TNKS: variants seen among roughly 807,000 people sequenced by gnomAD.
TNKS encodes poly [ADP-ribose] polymerase tankyrase-1.
TNKS carries 72 observed loss-of-function variants against 135.8 expected under a neutral mutation model. That is an observed-to-expected ratio of 0.53 (90% CI 0.44 to 0.64). The LOEUF is 0.64. Among genes scored for constraint, TNKS ranks in the 30% least tolerant of loss-of-function variants. TNKS has a pLI of 0.00. For synonymous variants in TNKS, 849 were observed against 649.3 expected (o/e 1.31, Z -4.68); for missense variants, 1,769 against 1,674.0 (o/e 1.06, Z -0.99).
At chr8:9,596,627 A>G (rs60163152) in intron 2 of TNKS, among the ~76,000 whole-genome samples, 1 of 152,176 alleles carries the variant, frequency 6.6e-6, no homozygotes, top group Non-Finnish European at 1.5e-5. Flanking sequence ...AAGACTTACC[A>G]AGCATTCCCA....
At chr8:9,762,955 T>G (rs1056887364) in intron 21 of TNKS, among the ~76,000 whole-genome samples, 192 bp from the exon 22 acceptor site, 2 of 151,952 alleles carry the variant, frequency 1.3e-5, no homozygotes, top group Non-Finnish European at 1.5e-5. Flanking sequence ...CATCTTCATT[T>G]TTTTCTCCTG....
intron 2 of TNKS, among the ~76,000 whole-genome samples, chr8:9,597,949 G>A (rs1272104826): frequency 2.6e-5 from 4 of 152,088 alleles, no homozygotes; most frequent in Admixed American, 2.0e-4. Flanking sequence ...ACAAAACTCA[G>A]TTTATTTTTT....
intron 5 of TNKS, among the ~76,000 whole-genome samples, chr8:9,695,018 C>T (rs1803447514): frequency 6.6e-6 from 1 of 152,050 alleles, no homozygotes; most frequent in African/African-American, 2.4e-5. Context: ...TTCTTATGTA[C>T]CCAGCAGTCA....
chr8:9,575,973 C>A (rs1012841856), intron 1 of TNKS, among the ~76,000 whole-genome samples: 1 of 152,092 alleles, frequency 6.6e-6, no homozygotes, highest in Admixed American at 6.5e-5. Flanking sequence ...AATTTTCTAA[C>A]GGTTGGGAGG....
chr8:9,709,172 G>C (rs974416859), intron 9 of TNKS, among the ~76,000 whole-genome samples: 15 of 152,018 alleles, frequency 9.9e-5, no homozygotes, highest in African/African-American at 3.6e-4. Flanking sequence ...TGACACAAAA[G>C]ATCAAACGTT....
chr8:9,579,984 A>G (rs1330520795), intron 1 of TNKS, among the ~76,000 whole-genome samples, 175 bp from the exon 2 acceptor site: 2 of 152,218 alleles, frequency 1.3e-5, no homozygotes, highest in Non-Finnish European at 2.9e-5. Context: ...CCTTAGTTCT[A>G]AATTCTGTGA....
At chr8:9,705,784 C>G (rs1328173113) in intron 6 of TNKS, among the ~76,000 whole-genome samples, 7 of 152,106 alleles carry the variant, frequency 4.6e-5, no homozygotes, top group Non-Finnish European at 1.0e-4. Context: ...CTTTGATATG[C>G]AAGTTATAAT....
intron 11 of TNKS, among the ~76,000 whole-genome samples, chr8:9,714,437 A>G (rs1372154759): frequency 6.6e-6 from 1 of 151,688 alleles, no homozygotes; most frequent in Non-Finnish European, 1.5e-5. Context: ...TTTTTCCCAC[A>G]TTTGTCTTTT....
intron 3 of TNKS, among the ~76,000 whole-genome samples, chr8:9,616,497 G>T (rs998634799): frequency 6.6e-6 from 1 of 152,106 alleles, no homozygotes; most frequent in Non-Finnish European, 1.5e-5. Flanking sequence ...GAAAGTAAAT[G>T]ACTTTTAACT....
At chr8:9,772,475 T>C in intron 26 of TNKS, 1 of 452,794 alleles carries the variant, frequency 2.2e-6, no homozygotes, top group Non-Finnish European at 4.4e-6. Flanking sequence ...GTTGAAAGAT[T>C]GTATTCTTCA....
chr8:9,723,751 C>T (rs1410943667), intron 12 of TNKS, among the ~76,000 whole-genome samples: 1 of 152,216 alleles, frequency 6.6e-6, no homozygotes, highest in African/African-American at 2.4e-5. Context: ...CGTAGTCACA[C>T]GTGGCTAATG....
In TNKS at chr8:9,735,023, C is replaced by A. The variant is rs746955065; in HGVS notation, c.2472C>A (p.Thr824=). 19 of 1,613,950 alleles carry A rather than the reference C, an allele frequency of 1.2e-5. No homozygotes were observed. In the Admixed American group the frequency reaches 3.2e-4, roughly 27 times the overall value. The change falls in exon 16 of 27, where the codon ACC becomes ACA. Residue 824 remains threonine, a synonymous_variant. Transcript: ENST00000310430. The stretch of plus-strand genomic sequence containing the variant: ...TGGCAAGAGTGCAGAAGCTCTGTAC[C>A]CCAGAGAATATCAACTGCAGAGACA... ...GCLARVQKLC[T]PENINCRDTQ... is the part of the protein sequence containing the mutation.
intron 3 of TNKS, among the ~76,000 whole-genome samples, chr8:9,623,307 C>A (rs895215834): frequency 1.3e-5 from 2 of 152,110 alleles, no homozygotes; most frequent in African/African-American, 4.8e-5. Flanking sequence ...AGAGGTAGAT[C>A]AAATAATGTC....
At position 9,698,198 on chromosome 8, in the gene TNKS, A is replaced by G. The variant is rs192744072; in HGVS notation, c.1108-6465A>G. ...TCTCACTTATAAGTGGGATCTAAAC[A>G]TTGAGCACACGTGGACATAAACATG... On this transcript the variant is annotated intron_variant, in intron 5 of 26. Coordinates refer to ENST00000310430, the MANE Select transcript of TNKS (RefSeq NM_003747.3). Among the ~76,000 whole-genome samples, 119 of 152,230 alleles carry G rather than the reference A, an allele frequency of 7.8e-4. 2 individuals carry two copies. Among genetic ancestry groups the G allele is most frequent in the Non-Finnish European group, 2.4e-4 (16 of 68,000 alleles).
chr8:9,686,070 C>G (rs1471671311), intron 5 of TNKS, among the ~76,000 whole-genome samples: 1 of 152,184 alleles, frequency 6.6e-6, no homozygotes. Context: ...GTCTAGCCCC[C>G]TGCCACACTG....
chr8:9,680,021 T>G, intron 4 of TNKS, 34 bp downstream of exon 4: 1 of 1,550,824 alleles, frequency 6.4e-7, no homozygotes, highest in Non-Finnish European at 8.9e-7. Context: ...GTGTATATAA[T>G]GCATTAAGGA....
At position 9,642,740 on chromosome 8, in the gene TNKS, C is replaced by T. The variant is rs570406649; in HGVS notation, c.994+27063C>T. Among the ~76,000 whole-genome samples the T allele has an allele frequency of 2.6e-4, 38 of 145,580 alleles. 5 individuals are homozygous for T. The highest frequency in any genetic ancestry group is 1.3e-3 in the Admixed American group (18 of 13,774). On this transcript the variant is annotated intron_variant, in intron 3 of 26. Coordinates refer to ENST00000310430, the MANE Select transcript of TNKS (RefSeq NM_003747.3). The stretch of plus-strand genomic sequence containing the variant: ...AATTCTCTTAAAGTGAGTAATTGGA[C>T]GTTTAGTAAAAACATGACACCTCTT...
At chr8:9,754,818 C>A (rs1806751070) in intron 20 of TNKS, among the ~76,000 whole-genome samples, 1 of 152,136 alleles carries the variant, frequency 6.6e-6, no homozygotes, top group African/African-American at 2.4e-5. Context: ...TTATAGACTG[C>A]TGTCTATAAA....
intron 2 of TNKS, among the ~76,000 whole-genome samples, chr8:9,603,034 T>G (rs1048577229): frequency 2.6e-5 from 4 of 152,174 alleles, no homozygotes; most frequent in Admixed American, 6.5e-5. Flanking sequence ...CTGAATCAAC[T>G]ATCAATTTTT....
Sources: allele counts gnomAD v4.1 joint callset (sites outside exome capture counted in the v4.1 genomes callset), GRCh38; gene constraint gnomAD v4.1.1; transcripts MANE v1.5; gene names NCBI Gene and HGNC (gene_info 2026-07-23, HGNC 2026-07-21).